KIF16B: variants seen among roughly 807,000 people sequenced by gnomAD.
The protein encoded by KIF16B is kinesin family member 16B.
A neutral mutation model predicts 156.3 loss-of-function variants in KIF16B; 98 were observed. That is an observed-to-expected ratio of 0.63 (90% CI 0.53 to 0.74). The LOEUF (loss-of-function observed/expected upper bound fraction) is 0.74, where lower values mean the gene tolerates loss of function less well. Ranked by LOEUF, KIF16B falls within the 30% of genes least tolerant of loss-of-function variation. KIF16B has a pLI of 0.00. For synonymous variants in KIF16B, 564 were observed against 583.7 expected (o/e 0.97, Z 0.49); for missense variants, 1,421 against 1,606.5 (o/e 0.88, Z 1.97).
At chr20:16,360,544 T>A (rs2064532043) in intron 22 of KIF16B, among the ~76,000 whole-genome samples, 1 of 152,154 alleles carries the variant, frequency 6.6e-6, no homozygotes, top group Non-Finnish European at 1.5e-5. Flanking sequence ...ACAGAAATAG[T>A]ATAAGCAATT....
intron 17 of KIF16B, among the ~76,000 whole-genome samples, chr20:16,399,611 C>T (rs530500937): frequency 6.6e-6 from 1 of 152,302 alleles, no homozygotes; most frequent in South Asian, 2.1e-4. Context: ...CACACAAACC[C>T]GAGCTTTTCC....
At chr20:16,451,182 G>GC (rs1368464375) in intron 12 of KIF16B, among the ~76,000 whole-genome samples, 1 of 152,152 alleles carries the variant, frequency 6.6e-6, no homozygotes, top group Non-Finnish European at 1.5e-5. Flanking sequence ...GTTCAGCGTC[G>GC]CATGTGGCTA....
chr20:16,462,434 G>C (rs936701687), intron 12 of KIF16B, among the ~76,000 whole-genome samples: 1 of 152,066 alleles, frequency 6.6e-6, no homozygotes, highest in African/African-American at 2.4e-5. Flanking sequence ...GTGCCAAACA[G>C]AGAAAATTCA....
At chr20:16,490,264 A>G (rs1431363216) in intron 12 of KIF16B, among the ~76,000 whole-genome samples, 3 of 152,112 alleles carry the variant, frequency 2.0e-5, no homozygotes, top group Non-Finnish European at 4.4e-5. Context: ...TGTCCTTATA[A>G]GAAGAGGGCA....
intron 18 of KIF16B, 104 bp downstream of exon 18, chr20:16,381,590 G>A (rs4814479): frequency 0.16 from 120,520 of 773,078 alleles, 10,817 homozygotes; most frequent in African/African-American, 0.29. Flanking sequence ...CAGACACAGA[G>A]CAAGGGGGAA....
At chr20:16,458,026 TTTTAC>T (rs889960419) in intron 12 of KIF16B, among the ~76,000 whole-genome samples, 9 of 152,182 alleles carry the variant, frequency 5.9e-5, no homozygotes, top group African/African-American at 2.2e-4. Flanking sequence ...CATGAAGCCC[TTTTAC>T]TTTAATCAAT....
intron 12 of KIF16B, among the ~76,000 whole-genome samples, chr20:16,459,729 T>C (rs918265392): frequency 2.0e-5 from 3 of 152,246 alleles, no homozygotes; most frequent in Non-Finnish European, 4.4e-5. Context: ...TCTCTTCTAA[T>C]TGGATTTTTG....
In KIF16B at chr20:16,570,449, G is replaced by T. The variant is rs560494467; in HGVS notation, c.47+2780C>A. 2.6e-5 allele frequency among the ~76,000 whole-genome samples: 4 copies of T among 152,106 alleles called. No homozygotes were observed. The South Asian group carries it at 8.3e-4, about 32-fold the overall frequency. ...TTATGCTTCCGTGATCAATGCAGAG[G>T]CGTCTGTTTCATCACTCCTGTACCA... On this transcript the variant is annotated intron_variant, in intron 1 of 25. Coordinates refer to ENST00000354981, the MANE Select transcript of KIF16B (RefSeq NM_024704.5).
chr20:16,461,307 T>A (rs970133494), intron 12 of KIF16B, among the ~76,000 whole-genome samples: 17 of 152,124 alleles, frequency 1.1e-4, no homozygotes, highest in African/African-American at 4.1e-4. Context: ...TTCAACCTTG[T>A]TTCTTCTTTA....
intron 24 of KIF16B, among the ~76,000 whole-genome samples, chr20:16,316,894 A>G (rs2063706297): frequency 6.6e-6 from 1 of 152,238 alleles, no homozygotes; most frequent in Non-Finnish European, 1.5e-5. Context: ...TGCCTGGAAG[A>G]CCAAAGAAAA....
At chr20:16,279,577 G>A (rs890535753) in intron 25 of KIF16B, among the ~76,000 whole-genome samples, 1 of 152,146 alleles carries the variant, frequency 6.6e-6, no homozygotes, top group Non-Finnish European at 1.5e-5. Context: ...ACACAATCAA[G>A]CTCCTCCAGG....
chr20:16,501,503 T>TA (rs2068625317), intron 10 of KIF16B, among the ~76,000 whole-genome samples: 1 of 152,086 alleles, frequency 6.6e-6, no homozygotes, highest in South Asian at 2.1e-4. Flanking sequence ...CTTGTAGACA[T>TA]AAATCTAACA....
rs146876802 is a variant in KIF16B, at chr20:16,463,510, G to A, written c.1302+30781C>T. ...ACAAAAAGCCTGATTTTTCTAACTG[G>A]AAAGGCAATAATTAATTCCAGAGCG... On this transcript the variant is annotated intron_variant, in intron 12 of 25. Transcript: ENST00000354981. Among the ~76,000 whole-genome samples, 680 of 152,208 alleles carry A rather than the reference G, an allele frequency of 4.5e-3. 5 individuals carry two copies. Among genetic ancestry groups the A allele is most frequent in the Non-Finnish European group, 8.0e-3 (545 of 67,998 alleles).
intron 1 of KIF16B, among the ~76,000 whole-genome samples, chr20:16,570,663 T>A (rs1484908710): frequency 1.3e-5 from 2 of 152,200 alleles, no homozygotes; most frequent in Admixed American, 1.3e-4. Context: ...TTGGGAAGGT[T>A]ATCAACTAGC....
chr20:16,458,189 T>C (rs1370049035), intron 12 of KIF16B, among the ~76,000 whole-genome samples: 1 of 152,076 alleles, frequency 6.6e-6, no homozygotes, highest in Non-Finnish European at 1.5e-5. Flanking sequence ...TGAAAGAAAA[T>C]GACAGATGCC....
At chr20:16,484,442 A>T (rs1020238430) in intron 12 of KIF16B, among the ~76,000 whole-genome samples, 1 of 152,208 alleles carries the variant, frequency 6.6e-6, no homozygotes, top group Non-Finnish European at 1.5e-5. Flanking sequence ...TTTGCCTTTC[A>T]TCTTAAAATA....
Position 16,504,385 on chromosome 20 carries a change from G to A in KIF16B, c.1163C>T (p.Ala388Val). 2 of 1,614,012 alleles carry A rather than the reference G, an allele frequency of 1.2e-6. No homozygotes were observed. The highest frequency in any genetic ancestry group is 1.7e-6 in the Non-Finnish European group (2 of 1,179,932). Residue 388 changes from alanine to valine, a missense_variant, in exon 10 of 26, where the codon GCT becomes GTT. Ala to Val is a moderately conservative substitution (Grantham distance 64, BLOSUM62 0). Coordinates refer to ENST00000354981, the MANE Select transcript of KIF16B (RefSeq NM_024704.5). ...GAAAAACCCAACCTGATTCCCTTGA[G>A]CAAGCAGCGTTTTCAGTCTGGCTAT... ...AEIARLKTLL[A>V]QGNQIALLDS...
At chr20:16,305,508 C>T (rs1399767733) in intron 25 of KIF16B, among the ~76,000 whole-genome samples, 1 of 152,212 alleles carries the variant, frequency 6.6e-6, no homozygotes, top group Non-Finnish European at 1.5e-5. Flanking sequence ...TATCCATCAA[C>T]TCATTTTTCT....
At chr20:16,424,171 T>C (rs977721753) in intron 15 of KIF16B, among the ~76,000 whole-genome samples, 2 of 152,126 alleles carry the variant, frequency 1.3e-5, no homozygotes, top group South Asian at 2.1e-4. Context: ...TCATCTACAA[T>C]TGCTGACCTT....
Sources: gnomAD v4.1 joint callset for allele counts (sites outside exome capture counted in the v4.1 genomes callset) on GRCh38, gnomAD v4.1.1 for gene constraint, MANE v1.5 for transcripts, NCBI Gene and HGNC (gene_info 2026-07-23, HGNC 2026-07-21) for gene names.